Variants in SLC45A3 observed in about 807,000 individuals in gnomAD.
SLC45A3 encodes the protein solute carrier family 45 member 3.
A neutral mutation model predicts 35.3 loss-of-function variants in SLC45A3; 17 were observed. The observed-to-expected ratio is 0.48, with a 90% confidence interval of 0.33 to 0.72. SLC45A3 has a LOEUF of 0.72. Ranked by LOEUF, SLC45A3 falls within the 30% of genes least tolerant of loss-of-function variation. The probability of loss-of-function intolerance (pLI) is 0.02; values close to 1 mark genes in which losing one functional copy is unlikely to be tolerated. For missense variants in SLC45A3, 597 were observed against 731.7 expected, an observed-to-expected ratio of 0.82 and a Z score of 2.12; for synonymous variants, 288 against 334.3, an observed-to-expected ratio of 0.86 and a Z score of 1.51.
rs1671050984 is a variant in SLC45A3 at position 205,662,794 on chromosome 1, GGCTC to G, written c.958+35_958+38del. On this transcript the variant is annotated intron_variant, in intron 3 of 4. Transcript: ENST00000367145. The surrounding 1 kb of genome is among the most constrained non-coding windows in gnomAD (Gnocchi z 6.2). ...GCCCCGAGTGTCGTCTCTGGTGGGC[GGCTC>G]CCACACCAGCCTCTGCTGGCTGCCA... The G allele has an allele frequency of 6.5e-7, 1 of 1,534,228 alleles. No homozygotes were observed. The highest frequency in any genetic ancestry group is 1.3e-5 in the South Asian group (1 of 78,716).
Position 205,664,261 on chromosome 1 carries a change from G to A in SLC45A3, c.172+224C>T, listed in dbSNP as rs1443640699. On this transcript the variant is annotated intron_variant, in intron 2 of 4. Transcript: ENST00000367145. The surrounding 1 kb of genome is among the most constrained non-coding windows in gnomAD (Gnocchi z 5.3). ...TTCTCCAGTGTCTCCTATGAGCCAGGCTCTGTGCAGGACCAGGGATCCAGA... is the reference window on the plus strand; with the variant it reads ...TTCTCCAGTGTCTCCTATGAGCCAGACTCTGTGCAGGACCAGGGATCCAGA... 6.6e-6 allele frequency among the ~76,000 whole-genome samples: 1 copy of A among 152,178 alleles called. No homozygotes were observed. The highest frequency in any genetic ancestry group is 1.5e-5 in the Non-Finnish European group (1 of 68,024).
intron 4 of SLC45A3, among the ~76,000 whole-genome samples, chr1:205,661,220 C>G (rs1001942625): frequency 4.6e-5 from 7 of 152,122 alleles, no homozygotes; most frequent in African/African-American, 1.7e-4. Context: ...AGAAGGAGGT[C>G]CCCACAACTT....
chr1:205,673,607 C>T (rs1483391117), intron 1 of SLC45A3, among the ~76,000 whole-genome samples: 1 of 152,190 alleles, frequency 6.6e-6, no homozygotes, highest in Non-Finnish European at 1.5e-5. Context: ...AAGAGTCAGA[C>T]CATGGTGCTG....
chr1:205,663,726 C>T, intron 2 of SLC45A3, 108 bp from the exon 3 acceptor site: 1 of 1,116,698 alleles, frequency 9.0e-7, no homozygotes, highest in Middle Eastern at 2.4e-4. Flanking sequence ...GTACTCGACA[C>T]TGTGCTACGT....
chr1:205,662,355 G>A lies in SLC45A3; in HGVS notation c.959-229C>T. On this transcript the variant is annotated intron_variant, in intron 3 of 4. Coordinates refer to ENST00000367145, the MANE Select transcript of SLC45A3 (RefSeq NM_033102.3). The surrounding 1 kb of genome is among the most constrained non-coding windows in gnomAD (Gnocchi z 6.2). Reference sequence around the variant, plus strand: ...CCCTTGCTGAAGGCAGAGGAAGGTAGTCTGAAGGTTTCCTGGGAGTCTCAG... The same window carrying A: ...CCCTTGCTGAAGGCAGAGGAAGGTAATCTGAAGGTTTCCTGGGAGTCTCAG... 1 of 1,404,408 alleles carries A rather than the reference G, an allele frequency of 7.1e-7. No individual in the cohort carries two copies. Among genetic ancestry groups the A allele is most frequent in the Non-Finnish European group, 9.2e-7 (1 of 1,083,912 alleles). 87.0% of individuals were successfully genotyped at this position (1,404,408 alleles called of 1,614,324 possible). A position where few individuals can be genotyped will look rare whatever the true frequency, so the allele number is the denominator to read the frequency against.
intron 1 of SLC45A3, among the ~76,000 whole-genome samples, chr1:205,679,769 G>A (rs1671371571): frequency 6.7e-6 from 1 of 150,016 alleles, no homozygotes; most frequent in Non-Finnish European, 1.5e-5. Context: ...CCAGTTCTAA[G>A]TCCAAGAGGG....
Sources: gnomAD v4.1 joint callset for allele counts (sites outside exome capture counted in the v4.1 genomes callset) on GRCh38, gnomAD v4.1.1 for gene constraint, Gnocchi (gnomAD v3.1) non-coding constraint, MANE v1.5 for transcripts, NCBI Gene and HGNC (gene_info 2026-07-23, HGNC 2026-07-21) for gene names.